The following RNF169 variants were observed in gnomAD, a reference collection of about 807,000 sequenced individuals.
The protein encoded by RNF169 is ring finger protein 169, also known as E3 ubiquitin-protein ligase RNF169.
A neutral mutation model predicts 53.9 loss-of-function variants in RNF169; 24 were observed. The ratio of observed to expected loss-of-function variants is 0.45; its 90% CI spans 0.32 to 0.63. The LOEUF (loss-of-function observed/expected upper bound fraction) is 0.63, where lower values mean the gene tolerates loss of function less well. Ranked by LOEUF, RNF169 falls within the 20% of genes least tolerant of loss-of-function variation. The pLI is 0.04. For missense variants in RNF169, 883 were observed against 906.2 expected (o/e 0.97, Z 0.33); for synonymous variants, 396 against 363.5 (o/e 1.09, Z -1.02).
At chr11:74,776,561 A>C (rs1160211587) in intron 1 of RNF169, among the ~76,000 whole-genome samples, 1 of 151,796 alleles carries the variant, frequency 6.6e-6, no homozygotes, top group East Asian at 1.9e-4. Context: ...ACACTGAGAC[A>C]CATACCTAGA....
In RNF169 at chr11:74,836,283, CAAAACCTGT is replaced by C; in HGVS notation, c.1682_1690del (p.Lys561_Cys563del). Reference sequence around the variant, plus strand: ...GGTCAACTCCAGATGCCAAGTTAGACAAAACCTGTATAAGCAGAGCCATGAAAATCACCA... The same window carrying C: ...GGTCAACTCCAGATGCCAAGTTAGACATAAGCAGAGCCATGAAAATCACCA... On this transcript the variant is annotated inframe_deletion, in exon 6 of 6. Transcript: ENST00000299563. 6.2e-7 allele frequency: 1 copy of C among 1,614,152 alleles called. No individual in the cohort carries two copies. Among genetic ancestry groups the C allele is most frequent in the Non-Finnish European group, 8.5e-7 (1 of 1,180,024 alleles).
intron 2 of RNF169, among the ~76,000 whole-genome samples, chr11:74,802,113 T>C (rs961232297): frequency 5.9e-5 from 9 of 152,186 alleles, no homozygotes; most frequent in Non-Finnish European, 1.3e-4. Flanking sequence ...TGGATGGTGG[T>C]CCATTTAACC....
At chr11:74,802,865 G>A (rs1255431530) in intron 2 of RNF169, among the ~76,000 whole-genome samples, 1 of 148,840 alleles carries the variant, frequency 6.7e-6, no homozygotes, top group Non-Finnish European at 1.5e-5. Flanking sequence ...ATTAAAAAAA[G>A]CTCACAGTAT....
chr11:74,778,071 AGT>A (rs1202032001), intron 1 of RNF169, among the ~76,000 whole-genome samples: 3 of 152,056 alleles, frequency 2.0e-5, no homozygotes, highest in Non-Finnish European at 4.4e-5. Flanking sequence ...TCTTAACTGC[AGT>A]GTGTGTTTGT....
rs372930431 is a variant in RNF169 at position 74,817,682 on chromosome 11, G to C, written c.810G>C (p.Lys270Asn). The change falls in exon 4 of 6, where the codon AAG becomes AAC. Residue 270 changes from lysine to asparagine, a missense_variant. Transcript: ENST00000299563. Reference protein sequence around the residue: ...TQTHRSAFVSKNNSYSLAFLA... With the variant: ...TQTHRSAFVSNNNSYSLAFLA... ...CACATCGCTCGGCATTTGTTTCCAA[G>C]AACAACTCCTACTCCTTAGCTTTCC... 1 of 1,613,000 alleles carries C rather than the reference G, an allele frequency of 6.2e-7. No individual in the cohort carries two copies. Among genetic ancestry groups the C allele is most frequent in the African/African-American group, 1.3e-5 (1 of 74,900 alleles).
At chr11:74,788,951 C>G (rs1407735921) in intron 1 of RNF169, among the ~76,000 whole-genome samples, 1 of 152,042 alleles carries the variant, frequency 6.6e-6, no homozygotes, top group African/African-American at 2.4e-5. Context: ...TTATGTATTT[C>G]CTTCTTGATT....
intron 5 of RNF169, among the ~76,000 whole-genome samples, chr11:74,835,212 T>TCTCAAAGTAAC (rs2036235356): frequency 6.6e-6 from 1 of 152,142 alleles, no homozygotes; most frequent in African/African-American, 2.4e-5. Flanking sequence ...CTCAAAGTAA[T>TCTCAAAGTAAC]ACACCTGTCT....
At chr11:74,763,135 A>G (rs1212640247) in intron 1 of RNF169, among the ~76,000 whole-genome samples, 3 of 152,230 alleles carry the variant, frequency 2.0e-5, no homozygotes, top group Admixed American at 6.5e-5. Flanking sequence ...ATTGAAGCAC[A>G]AGATCTATAC....
At chr11:74,769,606 C>T (rs78533638) in intron 1 of RNF169, among the ~76,000 whole-genome samples, 3,620 of 152,232 alleles carry the variant, frequency 0.024, 122 homozygotes, top group African/African-American at 0.083. Flanking sequence ...AAATTAGTTT[C>T]TACAGCTGTT....
At chr11:74,803,445 T>G (rs958348526) in intron 2 of RNF169, among the ~76,000 whole-genome samples, 2 of 152,322 alleles carry the variant, frequency 1.3e-5, no homozygotes, top group East Asian at 3.9e-4. Flanking sequence ...CTGGGTGTTA[T>G]GAAATATATT....
Position 74,837,595 on chromosome 11 carries a change from A to AT in RNF169, c.*866dup, listed in dbSNP as rs2036276535. 1.3e-5 allele frequency: 2 copies of AT among 152,268 alleles called. No individual in the cohort carries two copies. Among genetic ancestry groups the AT allele is most frequent in the South Asian group, 4.1e-4 (2 of 4,832 alleles). 9.4% of individuals were successfully genotyped at this position (152,268 alleles called of 1,614,324 possible). A position where few individuals can be genotyped will look rare whatever the true frequency, so the allele number is the denominator to read the frequency against. On this transcript the variant is annotated 3_prime_UTR_variant, in exon 6 of 6. Coordinates refer to ENST00000299563, the MANE Select transcript of RNF169 (RefSeq NM_001098638.2). ...ATAAACATATATGTGCATTATCCCC[A>AT]TCCCCCACAGTTTAGAGCCTTCTGC...
chr11:74,822,479 C>T (rs2036027240), intron 4 of RNF169, among the ~76,000 whole-genome samples: 1 of 152,132 alleles, frequency 6.6e-6, no homozygotes. Context: ...GCTGCTTTCT[C>T]TTGTTTATGC....
intron 1 of RNF169, among the ~76,000 whole-genome samples, chr11:74,780,291 C>T (rs1330009763): frequency 6.6e-6 from 1 of 152,144 alleles, no homozygotes; most frequent in Non-Finnish European, 1.5e-5. Context: ...TTTTCTTCCT[C>T]GCTGTTCATT....
In RNF169 at chr11:74,838,006, T is replaced by C. The variant is rs1046694794; in HGVS notation, c.*1276T>C. Reference sequence around the variant, plus strand: ...ATATAAAGTCATGTGACTGGCATTTTAACAGACCTTCCAGAGCTTATATAT... The same window carrying C: ...ATATAAAGTCATGTGACTGGCATTTCAACAGACCTTCCAGAGCTTATATAT... On this transcript the variant is annotated 3_prime_UTR_variant, in exon 6 of 6. Coordinates refer to ENST00000299563, the MANE Select transcript of RNF169 (RefSeq NM_001098638.2). 6.6e-6 allele frequency: 1 copy of C among 152,224 alleles called. No individual in the cohort carries two copies. Among genetic ancestry groups the C allele is most frequent in the African/African-American group, 2.4e-5 (1 of 41,452 alleles). The allele number at this position is 152,224 out of a possible 1,614,324, so 9.4% of individuals were successfully genotyped here.
At chr11:74,808,670 T>C (rs1270573519) in intron 2 of RNF169, among the ~76,000 whole-genome samples, 2 of 152,214 alleles carry the variant, frequency 1.3e-5, no homozygotes, top group Non-Finnish European at 2.9e-5. Context: ...GTTCAGTAAA[T>C]GATAATTCCA....
intron 1 of RNF169, among the ~76,000 whole-genome samples, chr11:74,786,019 C>T (rs1648638744): frequency 6.7e-6 from 1 of 150,060 alleles, no homozygotes; most frequent in South Asian, 2.1e-4. Context: ...CAGCTCACTG[C>T]AAGCTCTGCC....
chr11:74,777,022 G>A (rs569790397), intron 1 of RNF169, among the ~76,000 whole-genome samples: 1 of 152,250 alleles, frequency 6.6e-6, no homozygotes, highest in Admixed American at 6.5e-5. Flanking sequence ...ATAAAGAAAG[G>A]GAAGCAATGT....
intron 1 of RNF169, among the ~76,000 whole-genome samples, chr11:74,777,060 A>C (rs2035346887): frequency 1.3e-5 from 2 of 152,224 alleles, no homozygotes; most frequent in South Asian, 4.1e-4. Flanking sequence ...ACAGAGTCTA[A>C]GAGACAGGGA....
intron 4 of RNF169, among the ~76,000 whole-genome samples, chr11:74,827,850 T>C (rs1041653854): frequency 6.6e-6 from 1 of 152,158 alleles, no homozygotes; most frequent in Non-Finnish European, 1.5e-5. Context: ...AAGAGCCATA[T>C]ATATGACAGA....
Sources: allele counts gnomAD v4.1 joint callset (sites outside exome capture counted in the v4.1 genomes callset), GRCh38; gene constraint gnomAD v4.1.1; transcripts MANE v1.5; gene names NCBI Gene and HGNC (gene_info 2026-07-23, HGNC 2026-07-21).